Variants in SGCD observed in about 807,000 individuals in gnomAD.
The protein encoded by SGCD is delta-sarcoglycan.
In SGCD, 18 loss-of-function variants were observed where a neutral mutation model predicts 36.6. The observed-to-expected ratio is 0.49, with a 90% CI of 0.34 to 0.73. SGCD has a LOEUF of 0.73. SGCD is among the 30% of genes least tolerant of loss of function. SGCD has a pLI of 0.01. For synonymous variants in SGCD, 133 were observed against 130.6 expected (o/e 1.02, Z -0.12); for missense variants, 387 against 346.7 (o/e 1.12, Z -0.92).
At chr5:156,375,562 C>T (rs1416392120) in intron 3 of SGCD, among the ~76,000 whole-genome samples, 2 of 152,142 alleles carry the variant, frequency 1.3e-5, no homozygotes, top group African/African-American at 2.4e-5. Context: ...GCTGTGTGAT[C>T]ATTTCCAAAG....
intron 2 of SGCD, among the ~76,000 whole-genome samples, chr5:156,331,764 C>T (rs1039005835): frequency 5.3e-5 from 8 of 152,148 alleles, no homozygotes; most frequent in African/African-American, 9.7e-5. Context: ...CTCCTCTCTC[C>T]GAACGAATCA....
At chr5:156,671,878 A>C (rs572984341) in intron 7 of SGCD, among the ~76,000 whole-genome samples, 1 of 152,296 alleles carries the variant, frequency 6.6e-6, no homozygotes, top group African/African-American at 2.4e-5. Flanking sequence ...AGGAGCCAGC[A>C]TGTCACATGG....
At chr5:156,092,300 A>G (rs1163731938) in intron 1 of SGCD, among the ~76,000 whole-genome samples, 3 of 152,212 alleles carry the variant, frequency 2.0e-5, no homozygotes, top group African/African-American at 7.2e-5. Flanking sequence ...TTCAACCTGA[A>G]GCTGAGAAAG....
At chr5:155,816,230 C>A in the SGCD span, among the ~76,000 whole-genome samples, 1 of 152,154 alleles carries the variant, frequency 6.6e-6, no homozygotes, top group Non-Finnish European at 1.5e-5. Flanking sequence ...ACCCCCTGCA[C>A]AAATGACCAT....
intron 1 of SGCD, among the ~76,000 whole-genome samples, chr5:155,892,368 T>G (rs1756152220): frequency 6.9e-6 from 1 of 145,850 alleles, no homozygotes; most frequent in Non-Finnish European, 1.5e-5. Flanking sequence ...GGCAGTAGAA[T>G]CGCTTGAACA....
At chr5:155,917,293 G>T (rs1461518529) in intron 1 of SGCD, among the ~76,000 whole-genome samples, 1 of 152,046 alleles carries the variant, frequency 6.6e-6, no homozygotes, top group Non-Finnish European at 1.5e-5. Context: ...AGTATGTGAG[G>T]GTGGGCCTCG....
chr5:156,067,885 A>G (rs1250461212), intron 1 of SGCD, among the ~76,000 whole-genome samples: 1 of 144,052 alleles, frequency 6.9e-6, no homozygotes, highest in African/African-American at 2.8e-5. Context: ...ATGGAAATGC[A>G]GAAATCACCG....
chr5:156,285,020 A>G (rs1265855089), intron 3 of SGCD, among the ~76,000 whole-genome samples: 1 of 152,212 alleles, frequency 6.6e-6, no homozygotes, highest in Non-Finnish European at 1.5e-5. Flanking sequence ...GCATTCTTAT[A>G]CACCAATAAC....
chr5:155,746,024 C>T, the SGCD span, among the ~76,000 whole-genome samples: 2 of 151,974 alleles, frequency 1.3e-5, no homozygotes, highest in African/African-American at 2.4e-5. Context: ...TTGACACATA[C>T]CGAAATATTT....
At chr5:155,957,174 A>G (rs1012050347) in intron 1 of SGCD, among the ~76,000 whole-genome samples, 1 of 151,972 alleles carries the variant, frequency 6.6e-6, no homozygotes, top group Non-Finnish European at 1.5e-5. Flanking sequence ...GTGTCTGGGG[A>G]AGGAGCATTT....
intron 1 of SGCD, among the ~76,000 whole-genome samples, chr5:155,938,828 A>G (rs950720033): frequency 6.6e-6 from 1 of 152,254 alleles, no homozygotes; most frequent in African/African-American, 2.4e-5. Context: ...TTCACAGATA[A>G]GACAACTGTT....
chr5:156,510,796 A>C (rs189711213), intron 4 of SGCD, among the ~76,000 whole-genome samples: 231 of 152,316 alleles, frequency 1.5e-3, no homozygotes, highest in African/African-American at 5.4e-3. Context: ...TAAGAAGAAC[A>C]GTTGATATGT....
chr5:156,719,734 G>T (rs1357049873), intron 7 of SGCD, among the ~76,000 whole-genome samples: 1 of 152,034 alleles, frequency 6.6e-6, no homozygotes, highest in Non-Finnish European at 1.5e-5. Context: ...ACTAGTGAAG[G>T]TCTGTAAGAG....
chr5:156,482,217 G>C lies in SGCD; in HGVS notation c.193-26384G>C, dbSNP rs1354986113. Among the ~76,000 whole-genome samples the C allele has an allele frequency of 3.3e-5, 5 of 151,956 alleles. No individual in the cohort carries two copies. In the East Asian group the frequency reaches 9.6e-4, roughly 29 times the overall value. On this transcript the variant is annotated intron_variant, in intron 3 of 8. Coordinates refer to ENST00000337851, the MANE Select transcript of SGCD (RefSeq NM_000337.6). Reference sequence around the variant, plus strand: ...TTTGCAAGGTCATTGCAGCCTGAAAGATCACTATGATTTCAGTTCGTGCTG... The same window carrying C: ...TTTGCAAGGTCATTGCAGCCTGAAACATCACTATGATTTCAGTTCGTGCTG...
chr5:155,915,097 C>T (rs1756708677), intron 1 of SGCD, among the ~76,000 whole-genome samples: 1 of 152,108 alleles, frequency 6.6e-6, no homozygotes, highest in South Asian at 2.1e-4. Context: ...AGCTTCAATT[C>T]TGTTGGGAAA....
At chr5:156,594,254 G>A (rs970620785) in intron 5 of SGCD, among the ~76,000 whole-genome samples, 5 of 152,142 alleles carry the variant, frequency 3.3e-5, no homozygotes, top group East Asian at 1.9e-4. Flanking sequence ...CTATGGAATC[G>A]GGCTTGATTT....
intron 7 of SGCD, among the ~76,000 whole-genome samples, chr5:156,726,743 A>G (rs1379951413): frequency 6.6e-6 from 1 of 152,166 alleles, no homozygotes; most frequent in African/African-American, 2.4e-5. Flanking sequence ...TAATTCTCTT[A>G]CAATAACTGC....
intron 3 of SGCD, among the ~76,000 whole-genome samples, chr5:156,309,485 G>A (rs1767329163): frequency 6.6e-6 from 1 of 150,958 alleles, no homozygotes; most frequent in Admixed American, 6.6e-5. Context: ...ATACATTTCA[G>A]TTTCAGAATT....
chr5:155,992,083 A>G (rs983852823), intron 1 of SGCD, among the ~76,000 whole-genome samples: 10 of 152,178 alleles, frequency 6.6e-5, no homozygotes, highest in Non-Finnish European at 1.5e-4. Context: ...TTTGAATTTT[A>G]ATTTTCATCA....
Sources: gnomAD v4.1 joint callset for allele counts (sites outside exome capture counted in the v4.1 genomes callset) on GRCh38, gnomAD v4.1.1 for gene constraint, MANE v1.5 for transcripts, NCBI Gene and HGNC (gene_info 2026-07-23, HGNC 2026-07-21) for gene names.